Variants in APP observed in about 807,000 individuals in gnomAD.
APP encodes the protein amyloid-beta precursor protein.
In APP, 31 loss-of-function variants were observed where a neutral mutation model predicts 101.4. The observed-to-expected ratio is 0.31, with a 90% CI of 0.23 to 0.41. APP has a LOEUF of 0.41. Ranked by LOEUF, APP falls within the 10% of genes least tolerant of loss-of-function variation. APP has a pLI of 1.00. For missense variants in APP, 839 were observed against 1,003.7 expected (o/e 0.84, Z 2.22); for synonymous variants, 366 against 364.4 (o/e 1.00, Z -0.05).
At chr21:25,995,366 T>C (rs1280810184) in intron 8 of APP, among the ~76,000 whole-genome samples, 2 of 152,216 alleles carry the variant, frequency 1.3e-5, no homozygotes, top group African/African-American at 4.8e-5. Context: ...ATTCTTAAAA[T>C]GTGCTTCTGA....
At chr21:26,069,792 A>G (rs1249741525) in intron 3 of APP, among the ~76,000 whole-genome samples, 2 of 152,234 alleles carry the variant, frequency 1.3e-5, no homozygotes, top group Non-Finnish European at 2.9e-5. Flanking sequence ...AAAAACCTCC[A>G]AGAAAAAGCA....
At chr21:26,157,860 G>C (rs927771076) in intron 1 of APP, among the ~76,000 whole-genome samples, 1 of 152,328 alleles carries the variant, frequency 6.6e-6, no homozygotes, top group South Asian at 2.1e-4. Flanking sequence ...ACAGAAAACA[G>C]GTTCAGCATG....
chr21:26,042,928 C>T (rs918764434), intron 5 of APP, among the ~76,000 whole-genome samples: 7 of 151,812 alleles, frequency 4.6e-5, no homozygotes, highest in African/African-American at 1.7e-4. Flanking sequence ...AAAAAAAAAT[C>T]ACTTTAATAT....
At chr21:25,941,362 T>C (rs1462039101) in intron 13 of APP, 1 of 152,200 alleles carries the variant, frequency 6.6e-6, no homozygotes, top group Non-Finnish European at 1.5e-5. Context: ...AAAAGCAAAG[T>C]CTGTGATCAA....
rs1014173908 is a variant in APP at position 26,060,334 on chromosome 21, C to T, written c.356-6986G>A. Among the ~76,000 whole-genome samples, 5 of 152,304 alleles carry T rather than the reference C, an allele frequency of 3.3e-5. No individual in the cohort carries two copies. In the South Asian group the frequency reaches 8.3e-4, roughly 25 times the overall value. The stretch of plus-strand genomic sequence containing the variant: ...TCAACACAGCGGGGTGGAGTCCCTA[C>T]GACTGGAGAAGCAGAGAATCTGAGT... On this transcript the variant is annotated intron_variant, in intron 3 of 17. Coordinates refer to ENST00000346798, the MANE Select transcript of APP (RefSeq NM_000484.4).
intron 5 of APP, among the ~76,000 whole-genome samples, chr21:26,035,227 AC>A (rs946504157): frequency 6.6e-6 from 1 of 152,184 alleles, no homozygotes. Flanking sequence ...TGATCATGCC[AC>A]TGCACTCCAG....
chr21:26,013,659 T>C (rs556769924), intron 6 of APP, among the ~76,000 whole-genome samples: 29 of 152,186 alleles, frequency 1.9e-4, no homozygotes, highest in African/African-American at 6.5e-4. Context: ...TTTTTTTTAA[T>C]TGGTAAAGCC....
chr21:26,139,675 A>G (rs2146304197), intron 1 of APP, among the ~76,000 whole-genome samples: 1 of 152,314 alleles, frequency 6.6e-6, no homozygotes, highest in Non-Finnish European at 1.5e-5. Flanking sequence ...CAGGCAGATC[A>G]CGAGGTCAAG....
chr21:26,166,871 TGAGAGAGAGAGAGA>T (rs559340452), intron 1 of APP, among the ~76,000 whole-genome samples: 2 of 135,202 alleles, frequency 1.5e-5, no homozygotes, highest in African/African-American at 2.6e-5. Flanking sequence ...GTCACTCAAG[TGAGAGAGAGAGAGA>T]GAGAGAGAGA....
intron 2 of APP, among the ~76,000 whole-genome samples, chr21:26,100,164 C>A (rs927109741): frequency 5.3e-5 from 8 of 152,204 alleles, no homozygotes; most frequent in Non-Finnish European, 1.2e-4. Context: ...CCTATTCTCT[C>A]TTTCAATGTA....
At chr21:26,129,827 C>T (rs1364153556) in intron 1 of APP, among the ~76,000 whole-genome samples, 2 of 152,216 alleles carry the variant, frequency 1.3e-5, no homozygotes, top group Non-Finnish European at 1.5e-5. Flanking sequence ...ATACAAATTA[C>T]TTCTAATTTT....
chr21:25,972,273 C>T (rs1454008689), intron 11 of APP, among the ~76,000 whole-genome samples: 2 of 151,858 alleles, frequency 1.3e-5, no homozygotes, highest in East Asian at 3.9e-4. Flanking sequence ...TGAATGATAC[C>T]ATGGCATATC....
intron 1 of APP, among the ~76,000 whole-genome samples, chr21:26,139,922 T>G (rs1278616853): frequency 1.3e-5 from 2 of 149,480 alleles, no homozygotes; most frequent in Non-Finnish European, 3.0e-5. Context: ...AAACAAACAA[T>G]TTTCTGGCAA....
At chr21:26,066,581 AG>A (rs772041167) in intron 3 of APP, among the ~76,000 whole-genome samples, 3 of 152,040 alleles carry the variant, frequency 2.0e-5, no homozygotes, top group Non-Finnish European at 2.9e-5. Flanking sequence ...AAATTCAAAA[AG>A]GTACCGCATA....
chr21:26,170,672 G>A lies in APP; in HGVS notation c.-52C>T. On this transcript the variant is annotated 5_prime_UTR_variant, in exon 1 of 18. Coordinates refer to ENST00000346798, the MANE Select transcript of APP (RefSeq NM_000484.4). ...CGCTGCTGTGCGAGTGGGATCCGCCGCGTCCTTGCTCTGCCCGCGCCGCCA... is the reference window on the plus strand; with the variant it reads ...CGCTGCTGTGCGAGTGGGATCCGCCACGTCCTTGCTCTGCCCGCGCCGCCA... 1 of 1,507,080 alleles carries A rather than the reference G, an allele frequency of 6.6e-7. No individual in the cohort carries two copies. Among genetic ancestry groups the A allele is most frequent in the Admixed American group, 2.1e-5 (1 of 48,638 alleles). 93.4% of individuals were successfully genotyped at this position (1,507,080 alleles called of 1,614,324 possible). A position where few individuals can be genotyped will look rare whatever the true frequency, so the allele number is the denominator to read the frequency against.
At chr21:25,954,776 A>G in intron 12 of APP, 87 bp from the exon 13 acceptor site, 2 of 1,184,282 alleles carry the variant, frequency 1.7e-6, no homozygotes, top group Non-Finnish European at 2.4e-6. Flanking sequence ...TTTTTTTGAG[A>G]CGGAGTCTCG....
At chr21:25,944,042 C>T (rs533038970) in intron 13 of APP, among the ~76,000 whole-genome samples, 68 of 152,120 alleles carry the variant, frequency 4.5e-4, no homozygotes, top group Middle Eastern at 3.4e-3. Context: ...ATGCCCCCCC[C>T]CAACCAAAAG....
At position 26,051,017 on chromosome 21, in the gene APP, T is replaced by C; in HGVS notation, c.645A>G (p.Thr215=). 1 of 1,614,190 alleles carries C rather than the reference T, an allele frequency of 6.2e-7. No individual in the cohort carries two copies. The highest frequency in any genetic ancestry group is 8.5e-7 in the Non-Finnish European group (1 of 1,180,034). ...DSDVWWGGAD[T]DYADGSEDKV... is the part of the protein sequence containing the mutation. The stretch of plus-strand genomic sequence containing the variant: ...CACCTTACCTCCCATCTGCATAGTC[T>C]GTGTCTGCTCCGCCCCACCAGACAT... The change falls in exon 5 of 18, where the codon ACA becomes ACG. Residue 215 remains threonine, a synonymous_variant. Coordinates refer to ENST00000346798, the MANE Select transcript of APP (RefSeq NM_000484.4).
At chr21:25,999,469 A>G (rs1204787600) in intron 7 of APP, among the ~76,000 whole-genome samples, 3 of 152,114 alleles carry the variant, frequency 2.0e-5, no homozygotes, top group Admixed American at 6.5e-5. Context: ...CCGGCATTTG[A>G]GATGCATGAG....
Sources: allele counts gnomAD v4.1 joint callset (sites outside exome capture counted in the v4.1 genomes callset), GRCh38; gene constraint gnomAD v4.1.1; transcripts MANE v1.5; gene names NCBI Gene and HGNC (gene_info 2026-07-23, HGNC 2026-07-21).